EPHA6: variants seen among roughly 807,000 people sequenced by gnomAD.
EPHA6 encodes ephrin type-A receptor 6.
Under a neutral mutation model 112.0 loss-of-function variants are expected in EPHA6, and 50 were observed. The observed-to-expected ratio is 0.45, with a 90% CI of 0.36 to 0.56. The LOEUF is 0.56. Ranked by LOEUF, EPHA6 falls within the 20% of genes least tolerant of loss-of-function variation. EPHA6 has a pLI of 0.00. For synonymous variants in EPHA6, 529 were observed against 490.7 expected (o/e 1.08, Z -1.03); for missense variants, 1,280 against 1,417.4 (o/e 0.90, Z 1.56).
At position 97,015,637 on chromosome 3, in the gene EPHA6, A is replaced by G. The variant is rs142839536; in HGVS notation, c.1114+27644A>G. Reference sequence around the variant, plus strand: ...GGAAAGGCTCTGAGTTCACAGTGATAATCAAAAGGGACACATTAAAATACA... The same window carrying G: ...GGAAAGGCTCTGAGTTCACAGTGATGATCAAAAGGGACACATTAAAATACA... On this transcript the variant is annotated intron_variant, in intron 3 of 17. Coordinates refer to ENST00000389672, the MANE Select transcript of EPHA6 (RefSeq NM_001080448.3). Among the ~76,000 whole-genome samples the G allele has an allele frequency of 3.5e-3, 530 of 152,294 alleles. 3 individuals are homozygous for G. Among genetic ancestry groups the G allele is most frequent in the African/African-American group, 0.012 (509 of 41,566 alleles).
At chr3:97,534,172 G>C (rs149991542) in intron 11 of EPHA6, among the ~76,000 whole-genome samples, 11 of 152,220 alleles carry the variant, frequency 7.2e-5, no homozygotes, top group Admixed American at 7.2e-4. Context: ...CAGGAATGCT[G>C]TAAGAATTAA....
intron 5 of EPHA6, among the ~76,000 whole-genome samples, chr3:97,321,623 C>T (rs1294344251): frequency 1.3e-5 from 2 of 151,846 alleles, no homozygotes; most frequent in African/African-American, 4.8e-5. Flanking sequence ...CAAATATCAT[C>T]TGAAAATCTA....
chr3:97,422,137 C>CAAAAAA (rs34312259), intron 6 of EPHA6, among the ~76,000 whole-genome samples: 7 of 103,418 alleles, frequency 6.8e-5, no homozygotes, highest in East Asian at 3.4e-4. Context: ...AATAGTCTCT[C>CAAAAAA]AAAAAAAAAA....
chr3:96,964,406 A>G (rs1026263872), intron 2 of EPHA6, among the ~76,000 whole-genome samples: 5 of 152,162 alleles, frequency 3.3e-5, no homozygotes, highest in Non-Finnish European at 7.4e-5. Context: ...CATCTTAGAC[A>G]ACTGTTCTAT....
intron 2 of EPHA6, among the ~76,000 whole-genome samples, chr3:96,901,109 T>C (rs2038583705): frequency 6.6e-6 from 1 of 152,170 alleles, no homozygotes; most frequent in Non-Finnish European, 1.5e-5. Context: ...TGACATTTGG[T>C]CTTTGGGGGC....
At chr3:97,137,883 GA>G (rs2075803722) in intron 3 of EPHA6, among the ~76,000 whole-genome samples, 1 of 152,076 alleles carries the variant, frequency 6.6e-6, no homozygotes, top group African/African-American at 2.4e-5. Context: ...TAAAAATGTA[GA>G]AAAAAATGTG....
intron 2 of EPHA6, among the ~76,000 whole-genome samples, chr3:96,912,047 A>G (rs2107604474): frequency 6.6e-6 from 1 of 152,276 alleles, no homozygotes; most frequent in Admixed American, 6.5e-5. Flanking sequence ...GGGATGGGGC[A>G]TAAATAAATG....
At chr3:97,017,637 A>T (rs2044309054) in intron 3 of EPHA6, among the ~76,000 whole-genome samples, 1 of 152,172 alleles carries the variant, frequency 6.6e-6, no homozygotes, top group Non-Finnish European at 1.5e-5. Context: ...TAGGGTAGTG[A>T]AGGAAATGCT....
chr3:97,612,436 C>T (rs138383942), intron 13 of EPHA6: 2 of 404,844 alleles, frequency 4.9e-6, no homozygotes, highest in East Asian at 7.2e-5. Context: ...ATCTAAATTG[C>T]TGCTAAAAAT....
At chr3:96,947,232 G>A (rs2041312585) in intron 2 of EPHA6, among the ~76,000 whole-genome samples, 1 of 152,122 alleles carries the variant, frequency 6.6e-6, no homozygotes, top group East Asian at 1.9e-4. Context: ...TGCTTTTGGT[G>A]TTTTAGACAT....
chr3:97,335,261 C>A (rs1201387091), intron 5 of EPHA6, among the ~76,000 whole-genome samples: 2 of 151,750 alleles, frequency 1.3e-5, no homozygotes, highest in Non-Finnish European at 2.9e-5. Context: ...CTCTAGATAT[C>A]TCTCTCTCTC....
intron 5 of EPHA6, among the ~76,000 whole-genome samples, chr3:97,259,798 T>C (rs2079436799): frequency 6.7e-6 from 1 of 148,266 alleles, no homozygotes; most frequent in African/African-American, 2.6e-5. Flanking sequence ...TAAAAGAAAG[T>C]ATACCTTTTT....
chr3:97,052,211 C>T (rs1322981670), intron 3 of EPHA6, among the ~76,000 whole-genome samples: 2 of 152,088 alleles, frequency 1.3e-5, no homozygotes, highest in African/African-American at 2.4e-5. Flanking sequence ...CGCATATACT[C>T]TATTTCCCCC....
intron 11 of EPHA6, among the ~76,000 whole-genome samples, chr3:97,588,993 A>G (rs2093517443): frequency 6.6e-6 from 1 of 152,202 alleles, no homozygotes; most frequent in Non-Finnish European, 1.5e-5. Context: ...AGATTGCTAC[A>G]ATATCAAATT....
At chr3:96,946,072 G>T (rs1351949796) in intron 2 of EPHA6, among the ~76,000 whole-genome samples, 1 of 151,984 alleles carries the variant, frequency 6.6e-6, no homozygotes, top group East Asian at 1.9e-4. Flanking sequence ...ATATTATGTA[G>T]TTTCAATCAT....
At chr3:97,250,649 A>G (rs2079108988) in intron 5 of EPHA6, among the ~76,000 whole-genome samples, 1 of 152,184 alleles carries the variant, frequency 6.6e-6, no homozygotes, top group Non-Finnish European at 1.5e-5. Context: ...TACATAATCT[A>G]TAGCTATCAT....
At chr3:97,338,647 A>G (rs548986034) in intron 5 of EPHA6, among the ~76,000 whole-genome samples, 2 of 152,264 alleles carry the variant, frequency 1.3e-5, no homozygotes, top group Non-Finnish European at 2.9e-5. Flanking sequence ...TTGCAAACAC[A>G]CATTATATCA....
intron 5 of EPHA6, among the ~76,000 whole-genome samples, chr3:97,313,751 C>T (rs761156272): frequency 4.0e-5 from 6 of 151,434 alleles, no homozygotes; most frequent in East Asian, 1.9e-4. Context: ...TGAGTTGATA[C>T]GTTCCTTATA....
intron 3 of EPHA6, among the ~76,000 whole-genome samples, chr3:97,057,911 G>T (rs2108109660): frequency 6.6e-6 from 1 of 152,206 alleles, no homozygotes; most frequent in Middle Eastern, 3.4e-3. Flanking sequence ...CAGAGAGTAA[G>T]ATGAATCATC....
Sources: gnomAD v4.1 joint callset for allele counts (sites outside exome capture counted in the v4.1 genomes callset) on GRCh38, gnomAD v4.1.1 for gene constraint, MANE v1.5 for transcripts, NCBI Gene and HGNC (gene_info 2026-07-23, HGNC 2026-07-21) for gene names.